RYR2: variants seen among roughly 807,000 people sequenced by gnomAD.
RYR2 encodes cardiac muscle ryanodine receptor-calcium release channel.
A neutral mutation model predicts 601.1 loss-of-function variants in RYR2; 227 were observed. That is an observed-to-expected ratio of 0.38 (90% CI 0.34 to 0.42). The LOEUF is 0.42. Ranked by LOEUF, RYR2 falls within the 10% of genes least tolerant of loss-of-function variation. The pLI is 1.00. For synonymous variants in RYR2, 2,223 were observed against 2,175.1 expected (o/e 1.02, Z -0.61); for missense variants, 4,646 against 6,156.5 (o/e 0.75, Z 8.21).
At chr1:237,123,359 G>T (rs1671022297) in intron 1 of RYR2, among the ~76,000 whole-genome samples, 1 of 152,138 alleles carries the variant, frequency 6.6e-6, no homozygotes, top group Non-Finnish European at 1.5e-5. Context: ...GGCCAAGGCT[G>T]GAGGATTACT....
intron 1 of RYR2, among the ~76,000 whole-genome samples, chr1:237,211,322 C>G (rs756905878): frequency 6.6e-6 from 1 of 152,162 alleles, no homozygotes; most frequent in Non-Finnish European, 1.5e-5. Flanking sequence ...TCAATGTGCT[C>G]TGCAGTGATG....
intron 26 of RYR2, among the ~76,000 whole-genome samples, chr1:237,548,995 G>A (rs1246552860): frequency 6.6e-6 from 1 of 152,168 alleles, no homozygotes. Flanking sequence ...TTGGTTTTCA[G>A]AATGGTGATT....
chr1:237,693,137 T>C (rs1395745891), intron 63 of RYR2, among the ~76,000 whole-genome samples: 1 of 152,196 alleles, frequency 6.6e-6, no homozygotes, highest in African/African-American at 2.4e-5. Context: ...CAGCTTTCCT[T>C]TGTTTATTTT....
chr1:237,051,731 C>T (rs1451947813), intron 1 of RYR2, among the ~76,000 whole-genome samples: 2 of 152,058 alleles, frequency 1.3e-5, no homozygotes, highest in Admixed American at 6.5e-5. Flanking sequence ...CTAGAAAATC[C>T]CTCAGAGGTA....
At chr1:237,804,629 A>G (rs1156828577) in intron 98 of RYR2, among the ~76,000 whole-genome samples, 1 of 152,132 alleles carries the variant, frequency 6.6e-6, no homozygotes, top group East Asian at 1.9e-4. Flanking sequence ...GTGAATAATC[A>G]ACATTAATTA....
In RYR2 at chr1:237,109,345, G is replaced by GTT. The variant is rs35600188; in HGVS notation, c.48+66785_48+66786dup. On this transcript the variant is annotated intron_variant, in intron 1 of 104. Coordinates refer to ENST00000366574, the MANE Select transcript of RYR2 (RefSeq NM_001035.3). ...ATAATCTTAGAAGATGGTAAAGCTGGTTTTTTTTTTAAGTTGGCAAAGAAT... is the reference window on the plus strand; with the variant it reads ...ATAATCTTAGAAGATGGTAAAGCTGGTTTTTTTTTTTTAAGTTGGCAAAGAAT... Among the ~76,000 whole-genome samples the GTT allele has an allele frequency of 3.4e-3, 516 of 150,146 alleles. 5 individuals carry two copies. Among genetic ancestry groups the GTT allele is most frequent in the African/African-American group, 9.4e-3 (384 of 40,954 alleles).
intron 10 of RYR2, among the ~76,000 whole-genome samples, chr1:237,403,728 A>G (rs1428648559): frequency 1.3e-5 from 2 of 152,192 alleles, no homozygotes; most frequent in Admixed American, 1.3e-4. Flanking sequence ...ACCCAGACCT[A>G]GTAATACTTT....
chr1:237,303,290 ATCTT>A (rs1693543465), intron 2 of RYR2, among the ~76,000 whole-genome samples: 2 of 110,556 alleles, frequency 1.8e-5, no homozygotes, highest in Admixed American at 1.7e-4. Context: ...CTCTGCGGTT[ATCTT>A]TTTTTTTTTT....
intron 10 of RYR2, among the ~76,000 whole-genome samples, chr1:237,412,267 C>A (rs4659792): frequency 0.31 from 47,681 of 151,916 alleles, 7,869 homozygotes; most frequent in East Asian, 0.43. Flanking sequence ...TGATGGTTTA[C>A]TGGGAAGAAT....
At chr1:237,715,264 G>A (rs1689179445) in intron 71 of RYR2, among the ~76,000 whole-genome samples, 1 of 152,182 alleles carries the variant, frequency 6.6e-6, no homozygotes, top group African/African-American at 2.4e-5. Flanking sequence ...TTTGGCAGCT[G>A]CCCCAAAGGA....
intron 1 of RYR2, among the ~76,000 whole-genome samples, chr1:237,175,613 G>A (rs538851391): frequency 6.6e-6 from 1 of 152,218 alleles, no homozygotes; most frequent in East Asian, 1.9e-4. Context: ...AACTCTTTGG[G>A]ATCTACAGCA....
intron 42 of RYR2, among the ~76,000 whole-genome samples, chr1:237,631,811 G>A (rs967042731): frequency 2.6e-5 from 4 of 151,138 alleles, no homozygotes; most frequent in Admixed American, 2.0e-4. Context: ...TGTGTTTTTA[G>A]TAGAGACGGG....
At chr1:237,064,782 T>A (rs868361086) in intron 1 of RYR2, among the ~76,000 whole-genome samples, 7 of 116,444 alleles carry the variant, frequency 6.0e-5, no homozygotes, top group South Asian at 2.9e-4. Context: ...TTTTTTTTTT[T>A]ACTAGATCCT....
intron 25 of RYR2, among the ~76,000 whole-genome samples, chr1:237,548,069 A>G (rs963836173): frequency 2.0e-5 from 3 of 152,252 alleles, no homozygotes; most frequent in Non-Finnish European, 4.4e-5. Context: ...ATGACTTCAC[A>G]GGAAGAGAAA....
chr1:237,451,976 GTGTA>G (rs149962900), intron 14 of RYR2, among the ~76,000 whole-genome samples: 1 of 40,172 alleles, frequency 2.5e-5, no homozygotes. Flanking sequence ...AGTACTGTGT[GTGTA>G]TGTGTGTTTG....
chr1:237,546,573 G>A (rs377721005), intron 25 of RYR2, among the ~76,000 whole-genome samples: 88 of 152,062 alleles, frequency 5.8e-4, no homozygotes, highest in African/African-American at 2.0e-3. Context: ...TAGAGATGGG[G>A]TTTTGCCATA....
At position 237,380,417 on chromosome 1, in the gene RYR2, TATATA is replaced by T. The variant is rs1187927743; in HGVS notation, c.576+2983_576+2987del. ...ATATATATATATATATATATATATA[TATATA>T]GTAAATACGAAGTCTGGTGAGTATG... On this transcript the variant is annotated intron_variant, in intron 8 of 104. Transcript: ENST00000366574. Among the ~76,000 whole-genome samples the T allele has an allele frequency of 7.0e-4, 34 of 48,344 alleles. 2 individuals carry two copies. Among genetic ancestry groups the T allele is most frequent in the African/African-American group, 2.4e-3 (33 of 14,034 alleles). The allele number at this position is 48,344 out of a possible 152,430, so 31.7% of individuals were successfully genotyped here. A position where few individuals can be genotyped will look rare whatever the true frequency, so the allele number is the denominator to read the frequency against.
rs529343935 is a variant in RYR2, at chr1:237,306,014, C to T, written c.169-24864C>T. Among the ~76,000 whole-genome samples the T allele has an allele frequency of 5.9e-5, 9 of 152,254 alleles. No individual in the cohort carries two copies. In the South Asian group the frequency reaches 1.7e-3, roughly 28 times the overall value. On this transcript the variant is annotated intron_variant, in intron 2 of 104. Coordinates refer to ENST00000366574, the MANE Select transcript of RYR2 (RefSeq NM_001035.3). ...GTCTGCAAACTCTGAACATAGCCTACAGAAATGTTGGCAATACATGAAAAA... is the reference window on the plus strand; with the variant it reads ...GTCTGCAAACTCTGAACATAGCCTATAGAAATGTTGGCAATACATGAAAAA...
chr1:237,249,177 G>A (rs919825487), intron 1 of RYR2, among the ~76,000 whole-genome samples: 8 of 152,122 alleles, frequency 5.3e-5, no homozygotes, highest in African/African-American at 2.4e-5. Context: ...ATTTTGATGA[G>A]AACCTTTAGA....
Sources: allele counts gnomAD v4.1 joint callset (sites outside exome capture counted in the v4.1 genomes callset), GRCh38; gene constraint gnomAD v4.1.1; transcripts MANE v1.5; gene names NCBI Gene and HGNC (gene_info 2026-07-23, HGNC 2026-07-21).